The following SNX25 variants were observed in gnomAD, a reference collection of about 807,000 sequenced individuals.
SNX25 encodes the protein sorting nexin-25.
Under a neutral mutation model 113.7 loss-of-function variants are expected in SNX25, and 62 were observed. The ratio of observed to expected loss-of-function variants is 0.55; its 90% confidence interval spans 0.44 to 0.67. The LOEUF (loss-of-function observed/expected upper bound fraction) is 0.67. SNX25 is among the 30% of genes least tolerant of loss of function. The probability of loss-of-function intolerance (pLI) is 0.00; values close to 1 mark genes in which losing one functional copy is unlikely to be tolerated. For missense variants in SNX25, 1,014 were observed against 1,161.0 expected (o/e 0.87, Z 1.84); for synonymous variants, 421 against 436.2 (o/e 0.97, Z 0.43).
At chr4:185,261,209 C>G (rs7664246) in intron 3 of SNX25, among the ~76,000 whole-genome samples, 6,998 of 151,856 alleles carry the variant, frequency 0.046, 536 homozygotes, top group African/African-American at 0.16. Flanking sequence ...CAGACAGCCT[C>G]ACTCTTTACC....
chr4:185,210,134 C>T lies in SNX25; in HGVS notation c.308C>T (p.Ala103Val), dbSNP rs1737499494. 1.0e-6 allele frequency: 1 copy of T among 984,022 alleles called. No individual in the cohort carries two copies. The highest frequency in any genetic ancestry group is 1.2e-6 in the Non-Finnish European group (1 of 829,532). The allele number at this position is 984,022 out of a possible 1,614,324, so 61.0% of individuals were successfully genotyped here. A position where few individuals can be genotyped will look rare whatever the true frequency, so the allele number is the denominator to read the frequency against. Reference protein sequence around the residue: ...RLSLYLSCAAAAFLLGILFAL... With the variant: ...RLSLYLSCAAVAFLLGILFAL... Reference sequence around the variant, plus strand: ...AGCCTGTACCTGAGCTGCGCGGCGGCCGCCTTCCTGCTGGGGATCCTGTTT... The same window carrying T: ...AGCCTGTACCTGAGCTGCGCGGCGGTCGCCTTCCTGCTGGGGATCCTGTTT... The change falls in exon 1 of 19, where the codon GCC becomes GTC. Residue 103 changes from alanine to valine, a missense_variant. By Grantham distance (64) the Ala-to-Val change is moderately conservative. Coordinates refer to ENST00000652585, the MANE Select transcript of SNX25 (RefSeq NM_001378034.2). This position sits in a 1 kb window ranked among gnomAD's most constrained non-coding sequence, Gnocchi z 4.4.
At chr4:185,231,637 G>A (rs1006963198) in intron 1 of SNX25, among the ~76,000 whole-genome samples, 33 of 151,664 alleles carry the variant, frequency 2.2e-4, no homozygotes, top group African/African-American at 7.3e-4. Context: ...CGTGAACCCA[G>A]GAGGTGGAGG....
At chr4:185,281,809 A>C (rs940827457) in intron 5 of SNX25, among the ~76,000 whole-genome samples, 6 of 152,162 alleles carry the variant, frequency 3.9e-5, no homozygotes, top group Non-Finnish European at 7.3e-5. Context: ...TGAGGTCAGG[A>C]GTTCAAGACC....
intron 1 of SNX25, among the ~76,000 whole-genome samples, chr4:185,242,245 GT>G (rs1040258370): frequency 2.0e-5 from 3 of 152,068 alleles, no homozygotes; most frequent in African/African-American, 4.8e-5. Flanking sequence ...AATGTGTGGG[GT>G]TTTTTTCCCC....
intron 1 of SNX25, among the ~76,000 whole-genome samples, chr4:185,213,022 C>G (rs1175153285): frequency 6.6e-6 from 1 of 152,158 alleles, no homozygotes; most frequent in Non-Finnish European, 1.5e-5. Context: ...TAAACATAGG[C>G]AACTAGAGAA....
intron 1 of SNX25, among the ~76,000 whole-genome samples, chr4:185,224,889 C>T (rs1298792489): frequency 5.3e-5 from 8 of 151,316 alleles, no homozygotes; most frequent in African/African-American, 1.5e-4. Context: ...TGAATGTCTT[C>T]TGCTTATATC....
At chr4:185,378,187 C>T in the SNX25 span, 4 of 1,613,654 alleles carry the variant, frequency 2.5e-6, no homozygotes, top group African/African-American at 4.0e-5. Context: ...TCAACTTCAT[C>T]CTTTTTCTGC....
intron 1 of SNX25, among the ~76,000 whole-genome samples, chr4:185,242,400 G>C (rs1744200152): frequency 1.3e-5 from 2 of 152,122 alleles, no homozygotes; most frequent in Non-Finnish European, 2.9e-5. Flanking sequence ...CAGTCTGTAA[G>C]TCTGGGCTGC....
chr4:185,212,492 T>TGTG (rs1491296342), intron 1 of SNX25, among the ~76,000 whole-genome samples: 5 of 27,882 alleles, frequency 1.8e-4, no homozygotes, highest in African/African-American at 4.7e-4. Context: ...TGTGTGTGTG[T>TGTG]TTTTTTTTTT....
At chr4:185,336,971 T>C (rs901129006) in intron 10 of SNX25, among the ~76,000 whole-genome samples, 3 of 152,198 alleles carry the variant, frequency 2.0e-5, no homozygotes, top group African/African-American at 7.2e-5. Flanking sequence ...TTTTCAGAAT[T>C]GTCTATTCGT....
chr4:185,290,434 C>G (rs536284097), intron 6 of SNX25, among the ~76,000 whole-genome samples: 6 of 152,152 alleles, frequency 3.9e-5, no homozygotes, highest in African/African-American at 1.4e-4. Context: ...AGCCGTTTTG[C>G]CTGGGACAGG....
intron 7 of SNX25, among the ~76,000 whole-genome samples, chr4:185,319,718 C>T (rs190908500): frequency 2.0e-3 from 300 of 152,150 alleles, no homozygotes; most frequent in Non-Finnish European, 2.9e-3. Flanking sequence ...AAATCTTTGT[C>T]CAGTGAGTGA....
At chr4:185,304,436 C>G (rs988631564) in intron 6 of SNX25, among the ~76,000 whole-genome samples, 1 of 152,228 alleles carries the variant, frequency 6.6e-6, no homozygotes, top group Non-Finnish European at 1.5e-5. Context: ...CGGCTCACCT[C>G]AACCTCCACC....
At chr4:185,207,532 A>G (rs1184038738), upstream of SNX25, among the ~76,000 whole-genome samples, 1 of 152,024 alleles carries the variant, frequency 6.6e-6, no homozygotes, top group Non-Finnish European at 1.5e-5. Context: ...ATCCACTTTT[A>G]AGCATGGAAT....
chr4:185,269,955 A>AT (rs1748678436), intron 5 of SNX25, among the ~76,000 whole-genome samples: 1 of 152,118 alleles, frequency 6.6e-6, no homozygotes, highest in South Asian at 2.1e-4. Flanking sequence ...CAGTTCCTGT[A>AT]TTGTAAGATG....
At chr4:185,241,909 C>T (rs989329955) in intron 1 of SNX25, among the ~76,000 whole-genome samples, 1 of 151,990 alleles carries the variant, frequency 6.6e-6, no homozygotes, top group Non-Finnish European at 1.5e-5. Context: ...TTTTTCAAAC[C>T]TATAAATAGG....
In SNX25 at chr4:185,266,889, A is replaced by T. The variant is rs1179397082; in HGVS notation, c.905-80A>T. 10 of 1,367,280 alleles carry T rather than the reference A, an allele frequency of 7.3e-6. No individual in the cohort carries two copies. The South Asian group carries it at 1.4e-4, about 19-fold the overall frequency. The allele number at this position is 1,367,280 out of a possible 1,614,324, so 84.7% of individuals were successfully genotyped here. A position where few individuals can be genotyped will look rare whatever the true frequency, so the allele number is the denominator to read the frequency against. Reference sequence around the variant, plus strand: ...TACTTGAAAAATGTTTCCCAAATGTAGTCTCAGTTATGTGATACATAAACA... The same window carrying T: ...TACTTGAAAAATGTTTCCCAAATGTTGTCTCAGTTATGTGATACATAAACA... On this transcript the variant is annotated intron_variant, in intron 4 of 18. Coordinates refer to ENST00000652585, the MANE Select transcript of SNX25 (RefSeq NM_001378034.2).
chr4:185,363,602 T>A lies in SNX25; in HGVS notation c.*137T>A. 1 of 762,844 alleles carries A rather than the reference T, an allele frequency of 1.3e-6. No homozygotes were observed. The highest frequency in any genetic ancestry group is 2.1e-6 in the Non-Finnish European group (1 of 476,308). The allele number at this position is 762,844 out of a possible 1,614,324, so 47.3% of individuals were successfully genotyped here. A position where few individuals can be genotyped will look rare whatever the true frequency, so the allele number is the denominator to read the frequency against. On this transcript the variant is annotated 3_prime_UTR_variant, in exon 19 of 19. Transcript: ENST00000652585. The surrounding 1 kb of genome is among the most constrained non-coding windows in gnomAD (Gnocchi z 4.2). ...ACCTCCCTCTAGTTTTATGTGAAAT[T>A]AGTAGAATCAGGGAGGACGGGACTT...
the SNX25 span, chr4:185,377,065 T>G: frequency 4.0e-6 from 5 of 1,248,938 alleles, no homozygotes; most frequent in Non-Finnish European, 5.9e-6. Context: ...CAATATGAAT[T>G]TTCTCTCTTG....
Sources: gnomAD v4.1 joint callset for allele counts (sites outside exome capture counted in the v4.1 genomes callset) on GRCh38, gnomAD v4.1.1 for gene constraint, Gnocchi (gnomAD v3.1) non-coding constraint, MANE v1.5 for transcripts, NCBI Gene and HGNC (gene_info 2026-07-23, HGNC 2026-07-21) for gene names.